GANAB: variants seen among roughly 807,000 people sequenced by gnomAD.
GANAB encodes the protein glucosidase II alpha subunit.
In GANAB, 35 loss-of-function variants were observed where a neutral mutation model predicts 129.9. The ratio of observed to expected loss-of-function variants is 0.27; its 90% confidence interval spans 0.21 to 0.36. The LOEUF (loss-of-function observed/expected upper bound fraction) is 0.36. GANAB is among the 10% of genes least tolerant of loss of function. The pLI is 1.00. For missense variants in GANAB, 939 were observed against 1,221.0 expected, an observed-to-expected ratio of 0.77 and a Z score of 3.44; for synonymous variants, 482 against 451.8, an observed-to-expected ratio of 1.07 and a Z score of -0.85.
chr11:62,626,533 G>A lies in GANAB; in HGVS notation c.2511+38C>T, dbSNP rs367875382. On this transcript the variant is annotated intron_variant, in intron 21 of 23. Transcript: ENST00000356638. ...CAGAGAACTGAGTCCTAGGAAGGCA[G>A]GCAAATGGCTGAGGAGACTCGCTGC... 29 of 1,520,814 alleles carry A rather than the reference G, an allele frequency of 1.9e-5. No individual in the cohort carries two copies. The East Asian group carries it at 2.0e-4, about 11-fold the overall frequency. The allele number at this position is 1,520,814 out of a possible 1,614,324, so 94.2% of individuals were successfully genotyped here. A position where few individuals can be genotyped will look rare whatever the true frequency, so the allele number is the denominator to read the frequency against.
Position 62,626,735 on chromosome 11 carries a change from G to C in GANAB, c.2398-51C>G, listed in dbSNP as rs538567291. On this transcript the variant is annotated intron_variant, in intron 20 of 23. Transcript: ENST00000356638. ...AAGTTGCCCCCTTGTCCAACCTTGG[G>C]CCCCACAGCATGTTTTGCTTACTCA... 9 of 1,380,094 alleles carry C rather than the reference G, an allele frequency of 6.5e-6. No homozygotes were observed. In the East Asian group the frequency reaches 2.2e-4, roughly 33 times the overall value. The allele number at this position is 1,380,094 out of a possible 1,614,324, so 85.5% of individuals were successfully genotyped here.
intron 9 of GANAB, among the ~76,000 whole-genome samples, chr11:62,631,891 A>C (rs1943702405): frequency 1.3e-5 from 2 of 151,712 alleles, no homozygotes; most frequent in African/African-American, 4.8e-5. Context: ...TGCTGGGATT[A>C]CAGACATGAG....
chr11:62,635,560 G>A (rs1943905914), intron 4 of GANAB, among the ~76,000 whole-genome samples: 1 of 146,516 alleles, frequency 6.8e-6, no homozygotes, highest in Non-Finnish European at 1.5e-5. Context: ...TTCAAAAATG[G>A]AACTGAAAAA....
chr11:62,626,236 G>T, intron 22 of GANAB, 71 bp from the exon 23 acceptor site: 1 of 1,363,464 alleles, frequency 7.3e-7, no homozygotes, highest in Non-Finnish European at 1.1e-6. Flanking sequence ...GAGACCCAAA[G>T]CAAGGTCAGA....
At chr11:62,633,744 C>T (rs1299226385) in intron 5 of GANAB, 2 of 583,620 alleles carry the variant, frequency 3.4e-6, no homozygotes, top group African/African-American at 1.9e-5. Flanking sequence ...CCAGGAGGCA[C>T]AGGCCTGAAC....
Position 62,625,127 on chromosome 11 carries a change from C to T in GANAB, c.*688G>A, listed in dbSNP as rs534952134. On this transcript the variant is annotated 3_prime_UTR_variant, in exon 24 of 24. Transcript: ENST00000356638. Reference sequence around the variant, plus strand: ...GGCAAAAGAAGTTTAATGCGCATCCCCTAAGAGGTGTGGAAACGTCTTTCT... The same window carrying T: ...GGCAAAAGAAGTTTAATGCGCATCCTCTAAGAGGTGTGGAAACGTCTTTCT... 6.0e-4 allele frequency: 265 copies of T among 442,292 alleles called. 2 individuals are homozygous for T. The highest frequency in any genetic ancestry group is 7.9e-4 in the Non-Finnish European group (174 of 220,888). 27.4% of individuals were successfully genotyped at this position (442,292 alleles called of 1,614,324 possible).
At position 62,632,546 on chromosome 11, in the gene GANAB, C is replaced by A; in HGVS notation, c.996+19G>T. 1 of 1,601,154 alleles carries A rather than the reference C, an allele frequency of 6.2e-7. No homozygotes were observed. The highest frequency in any genetic ancestry group is 1.1e-5 in the South Asian group (1 of 90,602). ...TGGAAGCTTCACTCCCTCCTTTTTC[C>A]CCGTGCCTGTGCTCTCACCTTCCCG... On this transcript the variant is annotated intron_variant, in intron 9 of 23. Transcript: ENST00000356638.
At chr11:62,629,329 G>A in intron 15 of GANAB, 34 bp from the exon 16 acceptor site, 1 of 1,437,580 alleles carries the variant, frequency 7.0e-7, no homozygotes, top group East Asian at 2.3e-5. Flanking sequence ...GCTTGCACAT[G>A]GTAAAGGAGT....
At position 62,629,273 on chromosome 11, in the gene GANAB, G is replaced by A. The variant is rs1348775717; in HGVS notation, c.1857C>T (p.Asn619=). Residue 619 remains asparagine (N), a synonymous_variant, in exon 16 of 24, where the codon AAC becomes AAT. Coordinates refer to ENST00000356638, the MANE Select transcript of GANAB (RefSeq NM_198334.3). ...QRFGAVWTGD[N]TAEWDHLKIS... ...TCTTCAAATGGTCCCACTCGGCAGT[G>A]TTGTCCCCTGTCCACACGGCTCCTG... The A allele has an allele frequency of 2.5e-6, 4 of 1,612,234 alleles. No individual in the cohort carries two copies. The highest frequency in any genetic ancestry group is 2.2e-5 in the East Asian group (1 of 44,868).
chr11:62,643,311 G>A (rs535935097), intron 1 of GANAB, among the ~76,000 whole-genome samples: 31 of 152,112 alleles, frequency 2.0e-4, no homozygotes, highest in Non-Finnish European at 3.8e-4. Flanking sequence ...AGACCAGCCT[G>A]GCCAACATGG....
chr11:62,639,451 G>A lies in GANAB; in HGVS notation c.160C>T (p.Arg54Trp), dbSNP rs555826381. The change falls in exon 3 of 24, where the codon CGG (arginine) becomes TGG (tryptophan). Residue 54 changes from arginine (R) to tryptophan (W), a missense_variant. Coordinates refer to ENST00000356638, the MANE Select transcript of GANAB (RefSeq NM_198334.3). ...GCTCGGTATGGAGAGAGGCCTGGCC[G>A]TATGCTTCTCTGTCGCCTGCCAAGT... Reference protein sequence around the residue: ...SSFCKRQRSIRPGLSPYRALL... With the variant: ...SSFCKRQRSIWPGLSPYRALL... 56 of 1,612,800 alleles carry A rather than the reference G, an allele frequency of 3.5e-5. No homozygotes were observed. The highest frequency in any genetic ancestry group is 2.5e-4 in the African/African-American group (19 of 74,970).
chr11:62,636,091 A>G (rs974452922), intron 4 of GANAB, among the ~76,000 whole-genome samples: 8 of 152,034 alleles, frequency 5.3e-5, no homozygotes, highest in African/African-American at 1.9e-4. Context: ...CCCAGTTTCA[A>G]GTGATTCTTG....
chr11:62,632,188 G>A (rs1943721929), intron 9 of GANAB, among the ~76,000 whole-genome samples: 1 of 151,710 alleles, frequency 6.6e-6, no homozygotes, highest in African/African-American at 2.4e-5. Context: ...TGGCCAGGCT[G>A]GTCTCCAACT....
At position 62,627,121 on chromosome 11, in the gene GANAB, T is replaced by A; in HGVS notation, c.2249A>T (p.Asp750Val). The A allele has an allele frequency of 7.4e-6, 12 of 1,612,956 alleles. No individual in the cohort carries two copies. Among genetic ancestry groups the A allele is most frequent in the Non-Finnish European group, 1.0e-5 (12 of 1,178,978 alleles). ...TGATACAGGGTGAACCAGCAACGCA[T>A]CCCCTAAAATATGCCAGAATCAACT... ...FNIDDQYLLG[D>V]ALLVHPVSDS... is the part of the protein sequence containing the mutation. Residue 750 changes from aspartate to valine, a missense_variant, in exon 19 of 24, where the codon GAT (aspartate) becomes GTT (valine). Around this residue, in one of 5 missense-constraint regions of GANAB, gnomAD observed 230 missense variants for 259.9 expected, o/e 0.89. Coordinates refer to ENST00000356638, the MANE Select transcript of GANAB (RefSeq NM_198334.3).
chr11:62,634,064 C>T lies in GANAB; in HGVS notation c.561-550G>A, dbSNP rs1943821516. ...CAGGAACCCCAGCAATAGGCAGCAT[C>T]TCTCCATCCCCTGGCAAAGCAATAA... On this transcript the variant is annotated intron_variant, in intron 5 of 23. Transcript: ENST00000356638. The T allele has an allele frequency of 1.1e-5, 5 of 470,864 alleles. No individual in the cohort carries two copies. The South Asian group carries it at 1.6e-4, about 15-fold the overall frequency. 29.2% of individuals were successfully genotyped at this position (470,864 alleles called of 1,614,324 possible).
intron 11 of GANAB, 26 bp from the exon 12 acceptor site, chr11:62,630,531 A>G (rs1384974235): frequency 6.2e-7 from 1 of 1,614,172 alleles, no homozygotes; most frequent in Non-Finnish European, 8.5e-7. Flanking sequence ...AGGGGTGTTC[A>G]GGTCTCTTTA....
At chr11:62,634,452 G>T in intron 5 of GANAB, 1 of 930,700 alleles carries the variant, frequency 1.1e-6, no homozygotes, top group Non-Finnish European at 1.8e-6. Flanking sequence ...ATAAAAGTGA[G>T]TTTCAGTCGA....
Position 62,625,374 on chromosome 11 carries a change from C to G in GANAB, c.*441G>C, listed in dbSNP as rs1296545195. 1 of 441,166 alleles carries G rather than the reference C, an allele frequency of 2.3e-6. No homozygotes were observed. The highest frequency in any genetic ancestry group is 4.5e-6 in the Non-Finnish European group (1 of 220,324). 27.3% of individuals were successfully genotyped at this position (441,166 alleles called of 1,614,324 possible). A position where few individuals can be genotyped will look rare whatever the true frequency, so the allele number is the denominator to read the frequency against. On this transcript the variant is annotated 3_prime_UTR_variant, in exon 24 of 24. Coordinates refer to ENST00000356638, the MANE Select transcript of GANAB (RefSeq NM_198334.3). ...GAGGAAGAAATGAAAGGTGGGAGAGCAATCTGGTGGGAGGGAAGGGGAAAA... is the reference window on the plus strand; with the variant it reads ...GAGGAAGAAATGAAAGGTGGGAGAGGAATCTGGTGGGAGGGAAGGGGAAAA...
chr11:62,631,504 C>A (rs1026432755), intron 9 of GANAB, among the ~76,000 whole-genome samples: 3 of 151,166 alleles, frequency 2.0e-5, no homozygotes, highest in Non-Finnish European at 4.4e-5. Context: ...CACTCTTTTG[C>A]CAGGCTGGAG....
Sources: gnomAD v4.1 joint callset for allele counts (sites outside exome capture counted in the v4.1 genomes callset) on GRCh38, gnomAD v4.1.1 for gene constraint, gnomAD v4.1.1 regional missense constraint, MANE v1.5 for transcripts, NCBI Gene and HGNC (gene_info 2026-07-23, HGNC 2026-07-21) for gene names.